The following KLHL1 variants were observed in gnomAD, a reference collection of about 807,000 sequenced individuals.
KLHL1 encodes the protein kelch like family member 1, also known as kelch-like protein 1.
Under a neutral mutation model 77.7 loss-of-function variants are expected in KLHL1, and 47 were observed. The ratio of observed to expected loss-of-function variants is 0.60; its 90% CI spans 0.48 to 0.77. The LOEUF is 0.77. Ranked by LOEUF, KLHL1 falls within the 30% of genes least tolerant of loss-of-function variation. KLHL1 has a pLI of 0.00. For synonymous variants in KLHL1, 360 were observed against 325.2 expected, an observed-to-expected ratio of 1.11 and a Z score of -1.15; for missense variants, 925 against 910.8, an observed-to-expected ratio of 1.02 and a Z score of -0.20.
intron 5 of KLHL1, among the ~76,000 whole-genome samples, chr13:69,842,695 C>A (rs932746637): frequency 6.6e-6 from 1 of 151,662 alleles, no homozygotes; most frequent in African/African-American, 2.4e-5. Flanking sequence ...GATATCTACC[C>A]AAAGGAAAAG....
At chr13:70,017,527 A>T (rs1237671755) in intron 1 of KLHL1, among the ~76,000 whole-genome samples, 2 of 152,168 alleles carry the variant, frequency 1.3e-5, no homozygotes, top group Non-Finnish European at 2.9e-5. Context: ...ACAGTCACTC[A>T]TCCACACACC....
chr13:70,095,019 G>A (rs1593739481), intron 1 of KLHL1, among the ~76,000 whole-genome samples: 1 of 152,222 alleles, frequency 6.6e-6, no homozygotes, highest in East Asian at 1.9e-4. Context: ...CTGAGCCTGG[G>A]TATCTCTCTT....
intron 1 of KLHL1, among the ~76,000 whole-genome samples, chr13:70,097,887 GTTT>G (rs3072589): frequency 1.4e-3 from 198 of 144,138 alleles, no homozygotes; most frequent in African/African-American, 4.5e-3. Flanking sequence ...TTTCCTTTCT[GTTT>G]TTTTTTTTTC....
chr13:69,998,986 G>A (rs1458763109), intron 1 of KLHL1, among the ~76,000 whole-genome samples: 5 of 151,926 alleles, frequency 3.3e-5, no homozygotes, highest in Non-Finnish European at 7.4e-5. Context: ...CACTTCTAGA[G>A]GTCCTAGAGG....
intron 1 of KLHL1, among the ~76,000 whole-genome samples, chr13:70,045,841 A>AT (rs55798326): frequency 0.16 from 24,159 of 152,170 alleles, 2,028 homozygotes; most frequent in African/African-American, 0.2. Flanking sequence ...GAGTATCTGC[A>AT]TATTTCCCAG....
intron 8 of KLHL1, among the ~76,000 whole-genome samples, chr13:69,738,781 G>C (rs1258229854): frequency 6.6e-6 from 1 of 152,082 alleles, no homozygotes; most frequent in African/African-American, 2.4e-5. Context: ...TCTGATAGGG[G>C]TACCTGAAAG....
intron 1 of KLHL1, among the ~76,000 whole-genome samples, chr13:70,093,394 T>A (rs1243052184): frequency 6.6e-6 from 1 of 152,108 alleles, no homozygotes; most frequent in Non-Finnish European, 1.5e-5. Context: ...AACCAAAGAC[T>A]CTTAGTTAGA....
At chr13:69,900,518 C>T (rs1186077010) in intron 4 of KLHL1, among the ~76,000 whole-genome samples, 1 of 152,142 alleles carries the variant, frequency 6.6e-6, no homozygotes, top group Non-Finnish European at 1.5e-5. Context: ...CGAATATGTG[C>T]TTTGTTTACC....
chr13:69,745,321 AT>A (rs2137937878), intron 7 of KLHL1, among the ~76,000 whole-genome samples: 1 of 151,952 alleles, frequency 6.6e-6, no homozygotes, highest in East Asian at 1.9e-4. Flanking sequence ...TAATTATATC[AT>A]TTTATCAATT....
chr13:69,837,647 T>TCAC (rs1566308999), intron 6 of KLHL1, among the ~76,000 whole-genome samples: 1 of 122,224 alleles, frequency 8.2e-6, no homozygotes, highest in African/African-American at 3.9e-5. Context: ...TATATATGTG[T>TCAC]ATATATATAT....
chr13:69,887,619 C>T (rs896618856), intron 4 of KLHL1, among the ~76,000 whole-genome samples: 1 of 152,186 alleles, frequency 6.6e-6, no homozygotes, highest in Admixed American at 6.5e-5. Flanking sequence ...GGGATGCAAA[C>T]ACAATTCAGC....
At chr13:70,072,213 T>C (rs1481256469) in intron 1 of KLHL1, among the ~76,000 whole-genome samples, 1 of 152,100 alleles carries the variant, frequency 6.6e-6, no homozygotes, top group Non-Finnish European at 1.5e-5. Flanking sequence ...ATGGACCATT[T>C]TCCTGAAGGA....
At chr13:70,095,404 A>T (rs908471096) in intron 1 of KLHL1, among the ~76,000 whole-genome samples, 2 of 152,206 alleles carry the variant, frequency 1.3e-5, no homozygotes, top group African/African-American at 4.8e-5. Context: ...ATCTTATTTA[A>T]TGTCATTAAG....
chr13:70,025,698 T>C (rs1156615473), intron 1 of KLHL1, among the ~76,000 whole-genome samples: 2 of 151,034 alleles, frequency 1.3e-5, no homozygotes, highest in African/African-American at 4.9e-5. Context: ...ATATTATATA[T>C]AGTATACATA....
chr13:69,972,498 C>G (rs9542140), intron 2 of KLHL1, among the ~76,000 whole-genome samples: 43,313 of 151,586 alleles, frequency 0.29, 6,591 homozygotes, highest in East Asian at 0.41. Flanking sequence ...TGCATGCTTG[C>G]TGTAAAAATT....
intron 1 of KLHL1, among the ~76,000 whole-genome samples, chr13:70,067,986 T>C (rs574170016): frequency 6.6e-6 from 1 of 151,968 alleles, no homozygotes; most frequent in Admixed American, 6.5e-5. Flanking sequence ...ACTGTTTCTT[T>C]TCAAATGTTT....
chr13:70,106,465 C>T (rs1566580628), intron 1 of KLHL1, among the ~76,000 whole-genome samples: 1 of 152,112 alleles, frequency 6.6e-6, no homozygotes, highest in South Asian at 2.1e-4. Flanking sequence ...GAACTCTACA[C>T]AAAGAAGCAT....
intron 5 of KLHL1, among the ~76,000 whole-genome samples, chr13:69,851,463 A>G (rs1311575172): frequency 6.6e-6 from 1 of 151,758 alleles, no homozygotes; most frequent in Non-Finnish European, 1.5e-5. Flanking sequence ...TTTGAAAGAA[A>G]CACTTACTTG....
chr13:69,950,362 A>G (rs1375938317), intron 3 of KLHL1, among the ~76,000 whole-genome samples: 2 of 119,760 alleles, frequency 1.7e-5, no homozygotes, highest in African/African-American at 5.4e-5. Flanking sequence ...GAGTAAAAGC[A>G]ACATTCCCTT....
Sources: gnomAD v4.1 joint callset for allele counts (sites outside exome capture counted in the v4.1 genomes callset) on GRCh38, gnomAD v4.1.1 for gene constraint, MANE v1.5 for transcripts, NCBI Gene and HGNC (gene_info 2026-07-23, HGNC 2026-07-21) for gene names.